Variants in SPAG16 observed in about 807,000 individuals in gnomAD.
SPAG16 encodes the protein sperm-associated antigen 16 protein.
A neutral mutation model predicts 80.4 loss-of-function variants in SPAG16; 86 were observed. The observed-to-expected ratio is 1.07, with a 90% CI of 0.90 to 1.28. The LOEUF is 1.28. Ranked by LOEUF, SPAG16 falls within the 50% of genes most tolerant of loss-of-function variation. The pLI is 0.00. For missense variants in SPAG16, 870 were observed against 765.3 expected (o/e 1.14, Z -1.61); for synonymous variants, 294 against 265.9 (o/e 1.11, Z -1.03).
chr2:213,859,125 G>T (rs1278764292), intron 10 of SPAG16, among the ~76,000 whole-genome samples: 1 of 121,882 alleles, frequency 8.2e-6, no homozygotes, highest in Admixed American at 1.1e-4. Context: ...GTTGTAGTGA[G>T]CCGAGATCAC....
At chr2:213,806,590 A>T (rs1419406665) in intron 10 of SPAG16, among the ~76,000 whole-genome samples, 1 of 152,282 alleles carries the variant, frequency 6.6e-6, no homozygotes, top group East Asian at 1.9e-4. Context: ...GAATGCAGTA[A>T]ATATCTTAAT....
chr2:213,928,382 A>G (rs973458353), intron 11 of SPAG16, among the ~76,000 whole-genome samples: 2 of 151,636 alleles, frequency 1.3e-5, no homozygotes, highest in African/African-American at 4.8e-5. Context: ...GTGAGCCATC[A>G]CACCTGGCCC....
chr2:213,879,408 T>TAC (rs987531432), intron 11 of SPAG16, among the ~76,000 whole-genome samples: 157 of 151,240 alleles, frequency 1.0e-3, no homozygotes, highest in African/African-American at 1.9e-3. Flanking sequence ...TATATACATA[T>TAC]ACACACACAC....
chr2:214,252,507 C>T (rs1004686109), intron 15 of SPAG16, among the ~76,000 whole-genome samples: 2 of 151,258 alleles, frequency 1.3e-5, no homozygotes, highest in Non-Finnish European at 2.9e-5. Flanking sequence ...CATGTGTTCT[C>T]ATTGTTCAAC....
intron 10 of SPAG16, among the ~76,000 whole-genome samples, chr2:213,747,978 AT>A (rs1352880515): frequency 6.6e-6 from 1 of 152,208 alleles, no homozygotes; most frequent in Non-Finnish European, 1.5e-5. Flanking sequence ...TCAGGGTTCT[AT>A]AGCAATTAAT....
intron 15 of SPAG16, among the ~76,000 whole-genome samples, chr2:214,167,712 A>T (rs1263765783): frequency 6.6e-6 from 1 of 152,074 alleles, no homozygotes; most frequent in Non-Finnish European, 1.5e-5. Flanking sequence ...AAAAATCATG[A>T]AATCATAAAA....
chr2:214,385,838 T>C (rs900075703), intron 15 of SPAG16, among the ~76,000 whole-genome samples: 3 of 152,158 alleles, frequency 2.0e-5, no homozygotes, highest in African/African-American at 7.2e-5. Context: ...AGCGAGACTC[T>C]TTCTCAAAAT....
intron 11 of SPAG16, among the ~76,000 whole-genome samples, chr2:213,867,926 CAAAAAAAAAAAA>C (rs35795865): frequency 1.3e-4 from 6 of 45,892 alleles, no homozygotes; most frequent in East Asian, 1.1e-3. Context: ...TCTGTCTCAA[CAAAAAAAAAAAA>C]AAAAAAAAAA....
In SPAG16 at chr2:214,059,498, C is replaced by A. The variant is rs555774511; in HGVS notation, c.1527+45421C>A. On this transcript the variant is annotated intron_variant, in intron 13 of 15. Coordinates refer to ENST00000331683, the MANE Select transcript of SPAG16 (RefSeq NM_024532.5). ...TTCTAAGTTATTTCTTCCATGTGATCTTATTACAAATACAAGTCTGAGCCA... is the reference window on the plus strand; with the variant it reads ...TTCTAAGTTATTTCTTCCATGTGATATTATTACAAATACAAGTCTGAGCCA... Among the ~76,000 whole-genome samples, 7 of 151,658 alleles carry A rather than the reference C, an allele frequency of 4.6e-5. No homozygotes were observed. In the East Asian group the frequency reaches 1.4e-3, roughly 29 times the overall value.
chr2:214,011,796 G>A (rs2047293432), intron 12 of SPAG16, among the ~76,000 whole-genome samples: 1 of 152,036 alleles, frequency 6.6e-6, no homozygotes, highest in Admixed American at 6.6e-5. Flanking sequence ...GATGAGAAAG[G>A]GAAGTGTTGC....
intron 12 of SPAG16, among the ~76,000 whole-genome samples, chr2:214,007,892 A>G (rs765543185): frequency 2.0e-5 from 3 of 152,134 alleles, no homozygotes; most frequent in Non-Finnish European, 2.9e-5. Context: ...AAAAATATCA[A>G]TGTTGATAGT....
chr2:214,073,318 C>T (rs868397540), intron 13 of SPAG16, among the ~76,000 whole-genome samples: 1 of 151,208 alleles, frequency 6.6e-6, no homozygotes, highest in African/African-American at 2.4e-5. Context: ...CTCACTGCAA[C>T]CTCCAACTCC....
chr2:213,455,152 C>T (rs1298263661), intron 9 of SPAG16, among the ~76,000 whole-genome samples: 2 of 152,116 alleles, frequency 1.3e-5, no homozygotes, highest in Non-Finnish European at 2.9e-5. Flanking sequence ...TTTCTTATCC[C>T]ACTAACAAGA....
rs3076788 is a variant in SPAG16, at chr2:213,761,887, A to C, written c.1071-100598A>C. On this transcript the variant is annotated intron_variant, in intron 10 of 15. Transcript: ENST00000331683. ...TGTCAAAAAACAAAAATAAAAACAA[A>C]AAAACAAAACAAAAAAAAACCCTAC... 9.5e-3 allele frequency among the ~76,000 whole-genome samples: 409 copies of C among 42,910 alleles called. 4 individuals are homozygous for C. The highest frequency in any genetic ancestry group is 0.021 in the African/African-American group (391 of 18,424). The allele number at this position is 42,910 out of a possible 152,430, so 28.2% of individuals were successfully genotyped here. A position where few individuals can be genotyped will look rare whatever the true frequency, so the allele number is the denominator to read the frequency against.
At chr2:214,056,355 C>T (rs1415312006) in intron 13 of SPAG16, among the ~76,000 whole-genome samples, 1 of 151,214 alleles carries the variant, frequency 6.6e-6, no homozygotes, top group Non-Finnish European at 1.5e-5. Flanking sequence ...CATTTATAAG[C>T]ATACCTTGGA....
rs548544924 is a variant in SPAG16, at chr2:214,147,961, T to G, written c.1594-1179T>G. Among the ~76,000 whole-genome samples the G allele has an allele frequency of 7.8e-4, 118 of 152,134 alleles. 1 individual carries two copies. The highest frequency in any genetic ancestry group is 1.4e-3 in the Non-Finnish European group (95 of 68,030). ...GCTAGTTCAAAATGATAAGGAAAAT[T>G]ATAGGATAATTAAGGTATTAACATT... On this transcript the variant is annotated intron_variant, in intron 14 of 15. Transcript: ENST00000331683.
chr2:214,407,625 G>C (rs944090100), intron 15 of SPAG16, among the ~76,000 whole-genome samples: 7 of 152,096 alleles, frequency 4.6e-5, no homozygotes, highest in African/African-American at 1.7e-4. Context: ...AGATACCCAT[G>C]CACTTCTGTA....
At chr2:214,247,474 G>C (rs1689931075) in intron 15 of SPAG16, among the ~76,000 whole-genome samples, 1 of 152,062 alleles carries the variant, frequency 6.6e-6, no homozygotes, top group Non-Finnish European at 1.5e-5. Context: ...ATAGTAGATG[G>C]TCAGTAAATG....
chr2:213,445,513 T>C (rs554733570), intron 9 of SPAG16, among the ~76,000 whole-genome samples: 29 of 151,980 alleles, frequency 1.9e-4, no homozygotes, highest in African/African-American at 6.8e-4. Context: ...TACAAAAAAA[T>C]TAGCTGGGCG....
Sources: allele counts gnomAD v4.1 joint callset (sites outside exome capture counted in the v4.1 genomes callset), GRCh38; gene constraint gnomAD v4.1.1; transcripts MANE v1.5; gene names NCBI Gene and HGNC (gene_info 2026-07-23, HGNC 2026-07-21).